NCOA2: variants seen among roughly 807,000 people sequenced by gnomAD.
NCOA2 encodes class E basic helix-loop-helix protein 75.
A neutral mutation model predicts 145.1 loss-of-function variants in NCOA2; 21 were observed. That is an observed-to-expected ratio of 0.14 (90% CI 0.10 to 0.21). The LOEUF (loss-of-function observed/expected upper bound fraction) is 0.21, where lower values mean the gene tolerates loss of function less well. Ranked by LOEUF, NCOA2 falls within the 10% of genes least tolerant of loss-of-function variation. NCOA2 has a pLI of 1.00. For synonymous variants in NCOA2, 619 were observed against 637.5 expected, an observed-to-expected ratio of 0.97 and a Z score of 0.44; for missense variants, 1,472 against 1,837.6, an observed-to-expected ratio of 0.80 and a Z score of 3.64.
chr8:70,180,936 T>C (rs1158243499), intron 4 of NCOA2, among the ~76,000 whole-genome samples: 1 of 152,260 alleles, frequency 6.6e-6, no homozygotes, highest in Non-Finnish European at 1.5e-5. Context: ...AAACTGATCC[T>C]AGCAAAAAAT....
chr8:70,188,277 C>T (rs191752770), intron 4 of NCOA2, among the ~76,000 whole-genome samples: 1 of 152,200 alleles, frequency 6.6e-6, no homozygotes, highest in Non-Finnish European at 1.5e-5. Context: ...GGACAGTGGG[C>T]TTCCCAGAGA....
chr8:70,419,365 T>A, the NCOA2 span, among the ~76,000 whole-genome samples: 1 of 152,174 alleles, frequency 6.6e-6, no homozygotes, highest in Non-Finnish European at 1.5e-5. Flanking sequence ...ATGTGTGTAA[T>A]AGTATCTATT....
At chr8:70,308,377 A>C (rs1288807499) in intron 1 of NCOA2, among the ~76,000 whole-genome samples, 1 of 149,374 alleles carries the variant, frequency 6.7e-6, no homozygotes, top group African/African-American at 2.6e-5. Flanking sequence ...TTTTAAATAG[A>C]AACATGAAAT....
chr8:70,157,032 C>A lies in NCOA2; in HGVS notation c.1333G>T (p.Gly445Trp). 6.2e-7 allele frequency: 1 copy of A among 1,614,034 alleles called. No individual in the cohort carries two copies. The highest frequency in any genetic ancestry group is 1.6e-4 in the Middle Eastern group (1 of 6,062). The change falls in exon 11 of 23, where the codon GGG becomes TGG. Residue 445 changes from glycine (G) to tryptophan (W), a missense_variant. Physicochemically the swap from Gly to Trp is radical, Grantham distance 184. This residue lies in a region of NCOA2 where 953 missense variants were observed against 1,062.1 expected (regional missense o/e 0.90). Transcript: ENST00000452400. Reference sequence around the variant, plus strand: ...ATGCCTGACACATGGTTCATTCCCCCAGAACCACCAAACCTGCCCATGGGC... The same window carrying A: ...ATGCCTGACACATGGTTCATTCCCCAAGAACCACCAAACCTGCCCATGGGC... The part of the protein sequence containing the change: ...GMPMGRFGGS[G>W]GMNHVSGMQA...
intron 2 of NCOA2, among the ~76,000 whole-genome samples, chr8:70,287,334 C>G (rs191065440): frequency 6.6e-6 from 1 of 151,924 alleles, no homozygotes; most frequent in African/African-American, 2.4e-5. Context: ...AGTATTTTCT[C>G]TTTTTTAAAT....
At chr8:70,252,899 G>A (rs1047146114) in intron 2 of NCOA2, among the ~76,000 whole-genome samples, 1 of 152,218 alleles carries the variant, frequency 6.6e-6, no homozygotes, top group Admixed American at 6.5e-5. Context: ...GACAAAAGGT[G>A]CTAGGGAACA....
chr8:70,215,028 T>C (rs373909989), intron 3 of NCOA2, among the ~76,000 whole-genome samples: 10 of 152,340 alleles, frequency 6.6e-5, no homozygotes, highest in African/African-American at 2.2e-4. Flanking sequence ...CATAAATACA[T>C]ACTATAATAC....
the NCOA2 span, among the ~76,000 whole-genome samples, chr8:70,419,112 A>C: frequency 6.6e-6 from 1 of 151,900 alleles, no homozygotes; most frequent in Non-Finnish European, 1.5e-5. Context: ...TAAAAAAAAA[A>C]AAAAACTAGA....
the NCOA2 span, among the ~76,000 whole-genome samples, chr8:70,453,081 C>T: frequency 3.9e-5 from 6 of 152,076 alleles, no homozygotes; most frequent in African/African-American, 1.4e-4. Context: ...ACAGAAGTGC[C>T]CCAACCTAAC....
Position 70,138,256 on chromosome 8 carries a change from T to A in NCOA2, c.3105A>T (p.Pro1035=). The change falls in exon 15 of 23, where the codon CCA becomes CCT. Residue 1035 remains proline (P), a synonymous_variant. Transcript: ENST00000452400. Reference sequence around the variant, plus strand: ...CTATAGGCAGGATGCTTTCAGGCCATGGGGCAGTCTGATTTGGAGGAGCTT... The same window carrying A: ...CTATAGGCAGGATGCTTTCAGGCCAAGGGGCAGTCTGATTTGGAGGAGCTT... The part of the protein sequence containing the change: ...QQQAPPNQTA[P]WPESILPIDQ... 6.2e-7 allele frequency: 1 copy of A among 1,613,798 alleles called. No homozygotes were observed. The highest frequency in any genetic ancestry group is 8.5e-7 in the Non-Finnish European group (1 of 1,179,792).
At chr8:70,272,762 C>T (rs1825151456) in intron 2 of NCOA2, among the ~76,000 whole-genome samples, 1 of 152,024 alleles carries the variant, frequency 6.6e-6, no homozygotes, top group African/African-American at 2.4e-5. Context: ...TAACATTAGG[C>T]TGAATGTTAA....
At chr8:70,377,883 C>T (rs1038816750) in intron 1 of NCOA2, among the ~76,000 whole-genome samples, 3 of 151,952 alleles carry the variant, frequency 2.0e-5, no homozygotes, top group Non-Finnish European at 4.4e-5. Flanking sequence ...TTTTGTTTCC[C>T]AAGGAAATGA....
chr8:70,145,169 T>A (rs573105286), intron 12 of NCOA2, among the ~76,000 whole-genome samples: 8 of 152,326 alleles, frequency 5.3e-5, no homozygotes, highest in Admixed American at 2.6e-4. Context: ...TCTCTTTTTT[T>A]ATTCTGAGAC....
At chr8:70,224,917 G>A (rs767032478) in intron 2 of NCOA2, among the ~76,000 whole-genome samples, 2 of 151,406 alleles carry the variant, frequency 1.3e-5, no homozygotes, top group Admixed American at 6.6e-5. Flanking sequence ...TCCCTGCCCC[G>A]CTCCTCCCTG....
At chr8:70,354,983 T>G (rs1809556915) in intron 1 of NCOA2, among the ~76,000 whole-genome samples, 1 of 152,234 alleles carries the variant, frequency 6.6e-6, no homozygotes, top group African/African-American at 2.4e-5. Context: ...GCACAGATGT[T>G]GGTCCTCGAA....
At chr8:70,209,982 GT>G (rs1818846505) in intron 4 of NCOA2, among the ~76,000 whole-genome samples, 1 of 152,104 alleles carries the variant, frequency 6.6e-6, no homozygotes, top group Non-Finnish European at 1.5e-5. Context: ...CATGACTCCT[GT>G]TTCTAAGTTA....
chr8:70,374,482 A>G (rs929595015), intron 1 of NCOA2, among the ~76,000 whole-genome samples: 1 of 151,908 alleles, frequency 6.6e-6, no homozygotes, highest in Non-Finnish European at 1.5e-5. Flanking sequence ...AAAAAAAAAA[A>G]AAAAGAAAAA....
chr8:70,130,482 C>G (rs775194148), intron 16 of NCOA2, among the ~76,000 whole-genome samples: 1 of 152,176 alleles, frequency 6.6e-6, no homozygotes, highest in African/African-American at 2.4e-5. Flanking sequence ...GGGCTGAATT[C>G]TAACTATCAC....
upstream of NCOA2, among the ~76,000 whole-genome samples, chr8:70,404,591 A>T (rs985152288): frequency 2.0e-5 from 3 of 152,206 alleles, no homozygotes; most frequent in African/African-American, 7.2e-5. Context: ...GGGGATGGAG[A>T]GGCGCGACTG....
Sources: allele counts gnomAD v4.1 joint callset (sites outside exome capture counted in the v4.1 genomes callset), GRCh38; gene constraint gnomAD v4.1.1; regional missense constraint gnomAD v4.1.1; transcripts MANE v1.5; gene names NCBI Gene and HGNC (gene_info 2026-07-23, HGNC 2026-07-21).